PNPT1: variants seen among roughly 807,000 people sequenced by gnomAD.
PNPT1 encodes the protein polyribonucleotide nucleotidyltransferase 1, mitochondrial.
PNPT1 carries 53 observed loss-of-function variants against 119.5 expected under a neutral mutation model. The observed-to-expected ratio is 0.44, with a 90% CI of 0.36 to 0.56. The LOEUF (loss-of-function observed/expected upper bound fraction) is 0.56, where lower values mean the gene tolerates loss of function less well. Among genes scored for constraint, PNPT1 ranks in the 20% least tolerant of loss-of-function variants. The pLI is 0.00. For missense variants in PNPT1, 948 were observed against 938.5 expected (o/e 1.01, Z -0.13); for synonymous variants, 357 against 322.1 (o/e 1.11, Z -1.16).
In PNPT1 at chr2:55,673,014, C is replaced by T. The variant is rs774197508; in HGVS notation, c.745G>A (p.Val249Met). The part of the protein sequence containing the change: ...QDFCHAIKVG[V>M]KYTQQIIQGI... ...TGAATTATTTGTTGGGTATATTTCA[C>T]TCCCACTTTGATAGCATGGCAAAAG... The change falls in exon 9 of 28, where the codon GTG becomes ATG. Residue 249 changes from valine to methionine, a missense_variant. Val to Met is a conservative substitution (Grantham distance 21). Transcript: ENST00000447944. 4.4e-5 allele frequency: 71 copies of T among 1,612,848 alleles called. No individual in the cohort carries two copies. The highest frequency in any genetic ancestry group is 3.1e-5 in the Non-Finnish European group (37 of 1,179,842).
At chr2:55,686,571 G>T in intron 2 of PNPT1, 127 bp from the exon 3 acceptor site, 2 of 666,916 alleles carry the variant, frequency 3.0e-6, no homozygotes, top group Non-Finnish European at 2.5e-6. Flanking sequence ...ACACGATTAT[G>T]AAATAAAAAA....
chr2:55,687,762 CTT>C, intron 1 of PNPT1, 57 bp from the exon 2 acceptor site: 1 of 1,335,596 alleles, frequency 7.5e-7, no homozygotes, highest in South Asian at 1.4e-5. Context: ...ACAATTCCTG[CTT>C]AGTATAAAAT....
intron 15 of PNPT1, among the ~76,000 whole-genome samples, chr2:55,659,943 A>T (rs1344414893): frequency 6.6e-6 from 1 of 152,120 alleles, no homozygotes; most frequent in Non-Finnish European, 1.5e-5. Context: ...TCTCTAGAAA[A>T]AAATAGAAAA....
rs1305190912 is a variant in PNPT1, at chr2:55,650,334, G to T, written c.1496-2881C>A. 2.0e-5 allele frequency among the ~76,000 whole-genome samples: 3 copies of T among 151,596 alleles called. No individual in the cohort carries two copies. In the East Asian group the frequency reaches 5.8e-4, roughly 30 times the overall value. On this transcript the variant is annotated intron_variant, in intron 18 of 27. Coordinates refer to ENST00000447944, the MANE Select transcript of PNPT1 (RefSeq NM_033109.5). The stretch of plus-strand genomic sequence containing the variant: ...GTTTTCGTATTTTTTTGGTGGAGAC[G>T]GGGTTTCGCTGTGTTGGCTGGGCTG...
intron 13 of PNPT1, among the ~76,000 whole-genome samples, chr2:55,663,990 A>C (rs1398795562): frequency 1.3e-5 from 2 of 152,164 alleles, no homozygotes; most frequent in African/African-American, 4.8e-5. Context: ...CTCCATCCCA[A>C]AAAAAGAAAA....
At chr2:55,640,160 C>T (rs1324300174) in intron 26 of PNPT1, among the ~76,000 whole-genome samples, 3 of 151,858 alleles carry the variant, frequency 2.0e-5, no homozygotes, top group African/African-American at 7.3e-5. Flanking sequence ...AAAACAGACA[C>T]TCTTTTTTTT....
intron 25 of PNPT1, 110 bp downstream of exon 25, chr2:55,643,048 A>G: frequency 1.7e-6 from 2 of 1,160,564 alleles, no homozygotes; most frequent in Admixed American, 4.0e-5. Flanking sequence ...CAGGAGTTCA[A>G]GGCAGCTGTG....
intron 8 of PNPT1, among the ~76,000 whole-genome samples, chr2:55,677,382 C>T (rs1697105737): frequency 6.6e-6 from 1 of 152,024 alleles, no homozygotes; most frequent in African/African-American, 2.4e-5. Context: ...TCACTTGAGG[C>T]CAGGAATTAG....
intron 13 of PNPT1, among the ~76,000 whole-genome samples, chr2:55,666,597 C>T (rs1385377725): frequency 1.3e-5 from 2 of 152,064 alleles, no homozygotes; most frequent in African/African-American, 4.8e-5. Context: ...CCCAGAACAC[C>T]AGGAGGCTGT....
In PNPT1 at chr2:55,680,768, AGG is replaced by A. The variant is rs1697223677; in HGVS notation, c.518-11_518-10del. On this transcript the variant is annotated splice_polypyrimidine_tract_variant and intron_variant, in intron 6 of 27. Transcript: ENST00000447944. Reference sequence around the variant, plus strand: ...TGAGAGGGCTACGGAAGCTTAAAAAAGGAGAAAAATCAGGGCCGAAATTAAAA... The same window carrying A: ...TGAGAGGGCTACGGAAGCTTAAAAAAAGAAAAATCAGGGCCGAAATTAAAA... The A allele has an allele frequency of 4.3e-6, 7 of 1,613,504 alleles. No individual in the cohort carries two copies. The highest frequency in any genetic ancestry group is 5.9e-6 in the Non-Finnish European group (7 of 1,179,856).
At position 55,693,838 on chromosome 2, in the gene PNPT1, G is replaced by A. The variant is rs760598390; in HGVS notation, c.-15C>T. ...CAGGCCGCCATGACACCCGGCACGCGGTCAACGCAGGCTGTGCCCTGATTG... is the reference window on the plus strand; with the variant it reads ...CAGGCCGCCATGACACCCGGCACGCAGTCAACGCAGGCTGTGCCCTGATTG... On this transcript the variant is annotated 5_prime_UTR_variant, in exon 1 of 28. Coordinates refer to ENST00000447944, the MANE Select transcript of PNPT1 (RefSeq NM_033109.5). The A allele has an allele frequency of 1.9e-6, 3 of 1,612,094 alleles. No homozygotes were observed. Among genetic ancestry groups the A allele is most frequent in the Admixed American group, 3.3e-5 (2 of 60,004 alleles).
chr2:55,660,548 C>T (rs1038044582), intron 14 of PNPT1, among the ~76,000 whole-genome samples: 1 of 152,220 alleles, frequency 6.6e-6, no homozygotes, highest in Non-Finnish European at 1.5e-5. Flanking sequence ...TACAATGCTT[C>T]TCCCAGTCAA....
intron 3 of PNPT1, among the ~76,000 whole-genome samples, chr2:55,685,811 C>G (rs1399535001): frequency 6.6e-6 from 1 of 152,134 alleles, no homozygotes. Context: ...TGTAAAACAC[C>G]ATAGTATTTG....
rs1055917429 is a variant in PNPT1 at position 55,693,777 on chromosome 2, A to G, written c.47T>C (p.Leu16Pro). 2 of 1,613,978 alleles carry G rather than the reference A, an allele frequency of 1.2e-6. No homozygotes were observed. The highest frequency in any genetic ancestry group is 1.7e-6 in the Non-Finnish European group (2 of 1,180,050). Reference sequence around the variant, plus strand: ...TGGCAGAAGGAAAGGACCATCGCTCAGGGGCCGGAGCCGGAGGCACGAGCA... The same window carrying G: ...TGGCAGAAGGAAAGGACCATCGCTCGGGGGCCGGAGCCGGAGGCACGAGCA... The part of the protein sequence containing the change: ...YCCSCLRLRP[L>P]SDGPFLLPRR... The change falls in exon 1 of 28, where the codon CTG becomes CCG. Residue 16 changes from leucine to proline, a missense_variant. Physicochemically the swap from Leu to Pro is moderately conservative, Grantham distance 98. Coordinates refer to ENST00000447944, the MANE Select transcript of PNPT1 (RefSeq NM_033109.5).
chr2:55,685,102 T>C (rs1419606643), intron 3 of PNPT1, 54 bp from the exon 4 acceptor site: 2 of 1,351,698 alleles, frequency 1.5e-6, no homozygotes. Context: ...AAACAAACTA[T>C]ACTGTATGAA....
At chr2:55,643,099 G>A (rs1695883697) in intron 25 of PNPT1, 59 bp downstream of exon 25, 7 of 1,575,240 alleles carry the variant, frequency 4.4e-6, no homozygotes, top group Admixed American at 1.7e-5. Flanking sequence ...GGGTGGCAGG[G>A]TGAGACCCTG....
intron 8 of PNPT1, among the ~76,000 whole-genome samples, chr2:55,677,770 C>T (rs558844889): frequency 1.3e-5 from 2 of 151,890 alleles, no homozygotes; most frequent in Admixed American, 1.3e-4. Context: ...GACAGAGTCT[C>T]GCTCTGTTGC....
At chr2:55,647,576 G>T in intron 18 of PNPT1, 123 bp from the exon 19 acceptor site, 1 of 621,364 alleles carries the variant, frequency 1.6e-6, no homozygotes, top group Non-Finnish European at 2.7e-6. Flanking sequence ...CTGGAGTGCA[G>T]TGGCATGATC....
chr2:55,683,753 C>T (rs371592216), intron 5 of PNPT1, 32 bp downstream of exon 5: 1 of 1,574,812 alleles, frequency 6.3e-7, no homozygotes, highest in East Asian at 2.2e-5. Flanking sequence ...TTTGATTGAT[C>T]TGGCAACTAA....
Sources: allele counts gnomAD v4.1 joint callset (sites outside exome capture counted in the v4.1 genomes callset), GRCh38; gene constraint gnomAD v4.1.1; transcripts MANE v1.5; gene names NCBI Gene and HGNC (gene_info 2026-07-23, HGNC 2026-07-21).